Variants in RER1 observed in about 807,000 individuals in gnomAD.
RER1 encodes retention in endoplasmic reticulum sorting receptor 1, also known as protein RER1.
A neutral mutation model predicts 28.3 loss-of-function variants in RER1; 6 were observed. The ratio of observed to expected loss-of-function variants is 0.21; its 90% CI spans 0.12 to 0.42. The LOEUF is 0.42. RER1 is among the 10% of genes least tolerant of loss of function. RER1 has a pLI of 1.00. For synonymous variants in RER1, 110 were observed against 95.9 expected (o/e 1.15, Z -0.86); for missense variants, 159 against 252.9 (o/e 0.63, Z 2.52).
intron 3 of RER1, among the ~76,000 whole-genome samples, chr1:2,398,684 C>G (rs1181129979): frequency 6.6e-6 from 1 of 152,222 alleles, no homozygotes; most frequent in Admixed American, 6.5e-5. Context: ...CCACCACACC[C>G]GACAGAAATT....
chr1:2,403,208 T>A lies in RER1; in HGVS notation c.*84T>A. The A allele has an allele frequency of 9.5e-7, 1 of 1,057,400 alleles. No individual in the cohort carries two copies. Among genetic ancestry groups the A allele is most frequent in the African/African-American group, 1.6e-5 (1 of 63,912 alleles). 65.5% of individuals were successfully genotyped at this position (1,057,400 alleles called of 1,614,324 possible). A position where few individuals can be genotyped will look rare whatever the true frequency, so the allele number is the denominator to read the frequency against. On this transcript the variant is annotated 3_prime_UTR_variant, in exon 7 of 7. Transcript: ENST00000605895. ...TGCCTTTTTTCTTCACATAAAGTAG[T>A]TGATTACGAGGGAGTCAAATTTTCT... is the stretch of plus-strand genomic sequence containing the variant.
chr1:2,401,476 T>C (rs954465470), intron 5 of RER1, among the ~76,000 whole-genome samples: 2 of 136,542 alleles, frequency 1.5e-5, no homozygotes, highest in Non-Finnish European at 3.1e-5. Context: ...GGACTAGCCT[T>C]CTCCTGGAGT....
chr1:2,396,980 T>A, intron 2 of RER1, 136 bp from the exon 3 acceptor site: 1 of 584,888 alleles, frequency 1.7e-6, no homozygotes, highest in Non-Finnish European at 3.2e-6. Context: ...ACATAGATGA[T>A]CTCTTGCTAT....
intron 3 of RER1, among the ~76,000 whole-genome samples, chr1:2,398,844 A>G (rs911046718): frequency 2.0e-5 from 3 of 152,266 alleles, no homozygotes; most frequent in Non-Finnish European, 4.4e-5. Flanking sequence ...AAGGCTTGGC[A>G]TAAGCACACT....
chr1:2,402,820 A>G (rs1642890191), intron 6 of RER1, among the ~76,000 whole-genome samples: 1 of 152,180 alleles, frequency 6.6e-6, no homozygotes, highest in Admixed American at 6.5e-5. Flanking sequence ...CGGGAGGCTC[A>G]CGAAGCACTG....
In RER1 at chr1:2,405,022, C is replaced by T. The variant is rs1419082107; in HGVS notation, c.*1898C>T. On this transcript the variant is annotated 3_prime_UTR_variant, in exon 7 of 7. Transcript: ENST00000605895. ...GAGAGGGCTCGGGCGCCCCTGGCAG[C>T]CCCCATACCCCCAGGACCTGGCTCG... is the stretch of plus-strand genomic sequence containing the variant. 1 of 154,264 alleles carries T rather than the reference C, an allele frequency of 6.5e-6. No homozygotes were observed. Among genetic ancestry groups the T allele is most frequent in the Non-Finnish European group, 1.4e-5 (1 of 69,172 alleles). The allele number at this position is 154,264 out of a possible 1,614,324, so 9.6% of individuals were successfully genotyped here. A position where few individuals can be genotyped will look rare whatever the true frequency, so the allele number is the denominator to read the frequency against.
intron 2 of RER1, among the ~76,000 whole-genome samples, chr1:2,396,568 C>T (rs1318550504): frequency 6.6e-6 from 1 of 152,118 alleles, no homozygotes; most frequent in Non-Finnish European, 1.5e-5. Context: ...AATAAAAAAC[C>T]ATACATATGT....
At chr1:2,401,473 C>T (rs1400100409) in intron 5 of RER1, among the ~76,000 whole-genome samples, 3 of 135,584 alleles carry the variant, frequency 2.2e-5, no homozygotes, top group Non-Finnish European at 4.7e-5. Context: ...GAGGGACTAG[C>T]CTTCTCCTGG....
At chr1:2,402,703 G>A (rs1421372011) in intron 6 of RER1, among the ~76,000 whole-genome samples, 1 of 152,244 alleles carries the variant, frequency 6.6e-6, no homozygotes, top group Non-Finnish European at 1.5e-5. Context: ...ACTGCGGACT[G>A]TGCCCTTGAC....
intron 1 of RER1, among the ~76,000 whole-genome samples, chr1:2,392,793 G>C (rs1642704115): frequency 6.6e-6 from 1 of 152,244 alleles, no homozygotes; most frequent in Non-Finnish European, 1.5e-5. Flanking sequence ...GGCGACGGCG[G>C]TAACAGTGTG....
chr1:2,401,252 T>TCCTCCCTCCTCCTCCCTCCTCC (rs148750749), intron 5 of RER1, among the ~76,000 whole-genome samples: 1 of 62,236 alleles, frequency 1.6e-5, no homozygotes, highest in East Asian at 5.0e-4. Flanking sequence ...TCCTCCCTCC[T>TCCTCCCTCCTCCTCCCTCCTCC]TCCTCCCTCC....
At chr1:2,402,114 GGGACGGTC>G in intron 5 of RER1, 85 bp from the exon 6 acceptor site, 1 of 1,613,324 alleles carries the variant, frequency 6.2e-7, no homozygotes, top group Non-Finnish European at 8.5e-7. Context: ...TCTGTTTGCG[GGGACGGTC>G]GGTGCAGCTG....
In RER1 at chr1:2,397,223, A is replaced by G; in HGVS notation, c.186+3A>G. On this transcript the variant is annotated splice_donor_region_variant and intron_variant, in intron 3 of 6. Coordinates refer to ENST00000605895, the MANE Select transcript of RER1 (RefSeq NM_007033.5). ...TGATTCGAGTTTACCTGCTGCAGGT[A>G]GGTGTGGGCTGAAGTGACGAGACTT... 6.2e-7 allele frequency: 1 copy of G among 1,604,962 alleles called. No individual in the cohort carries two copies. Among genetic ancestry groups the G allele is most frequent in the Non-Finnish European group, 8.5e-7 (1 of 1,171,696 alleles).
At chr1:2,395,686 G>A in intron 1 of RER1, 98 bp from the exon 2 acceptor site, 6 of 851,726 alleles carry the variant, frequency 7.0e-6, no homozygotes, top group Non-Finnish European at 1.2e-5. Context: ...AATACTGAAT[G>A]TGGAAGAAAC....
chr1:2,402,323 C>A lies in RER1; in HGVS notation c.482C>A (p.Thr161Lys), dbSNP rs772801720. 1.2e-6 allele frequency: 2 copies of A among 1,614,078 alleles called. No homozygotes were observed. Among genetic ancestry groups the A allele is most frequent in the African/African-American group, 1.3e-5 (1 of 74,936 alleles). Residue 161 changes from threonine to lysine, a missense_variant, in exon 6 of 7, where the codon ACG (threonine) becomes AAG (lysine). Physicochemically the swap from Thr to Lys is moderately conservative, Grantham distance 78 (BLOSUM62 -1). Coordinates refer to ENST00000605895, the MANE Select transcript of RER1 (RefSeq NM_007033.5). ...TACTTCATCATGCTCTTCTGTATCA[C>A]GATGAAGAGGCAAATCAAGGTAAAG... The part of the protein sequence containing the change: ...VMYFIMLFCI[T>K]MKRQIKHMIK...
At chr1:2,397,629 G>A (rs1012740246) in intron 3 of RER1, among the ~76,000 whole-genome samples, 1 of 152,210 alleles carries the variant, frequency 6.6e-6, no homozygotes, top group African/African-American at 2.4e-5. Context: ...AAGGGTTTAT[G>A]TAGCTTTTCC....
Position 2,403,549 on chromosome 1 carries a change from G to A in RER1, c.*425G>A. ...TCCACAGAGCCCGAGGGATGATCTAGCCTGATTCCTGCGTGTCCGAAAGAA... is the reference window on the plus strand; with the variant it reads ...TCCACAGAGCCCGAGGGATGATCTAACCTGATTCCTGCGTGTCCGAAAGAA... On this transcript the variant is annotated 3_prime_UTR_variant, in exon 7 of 7. Transcript: ENST00000605895. 1 of 208,970 alleles carries A rather than the reference G, an allele frequency of 4.8e-6. No individual in the cohort carries two copies. Among genetic ancestry groups the A allele is most frequent in the Admixed American group, 5.6e-5 (1 of 17,978 alleles). 12.9% of individuals were successfully genotyped at this position (208,970 alleles called of 1,614,324 possible).
intron 1 of RER1, chr1:2,395,563 C>G (rs866180829): frequency 6.3e-5 from 34 of 539,684 alleles, no homozygotes; most frequent in African/African-American, 5.5e-4. Flanking sequence ...AAAATGCGGC[C>G]TGTGCTCCTG....
chr1:2,395,667 T>C (rs866364413), intron 1 of RER1, 117 bp from the exon 2 acceptor site: 6 of 754,082 alleles, frequency 8.0e-6, no homozygotes, highest in African/African-American at 1.7e-5. Context: ...ACAAATGGTA[T>C]ATGGACAAAA....
Sources: allele counts gnomAD v4.1 joint callset (sites outside exome capture counted in the v4.1 genomes callset), GRCh38; gene constraint gnomAD v4.1.1; transcripts MANE v1.5; gene names NCBI Gene and HGNC (gene_info 2026-07-23, HGNC 2026-07-21).